Variants in NRG3 observed in about 807,000 individuals in gnomAD.
NRG3 encodes pro-neuregulin-3, membrane-bound isoform.
NRG3 carries 31 observed loss-of-function variants against 66.9 expected under a neutral mutation model. The ratio of observed to expected loss-of-function variants is 0.46; its 90% CI spans 0.35 to 0.63. NRG3 has a LOEUF of 0.63. NRG3 is among the 20% of genes least tolerant of loss of function. NRG3 has a pLI of 0.00. For missense variants in NRG3, 910 were observed against 878.9 expected, an observed-to-expected ratio of 1.04 and a Z score of -0.45; for synonymous variants, 393 against 359.4, an observed-to-expected ratio of 1.09 and a Z score of -1.06.
chr10:82,610,322 TATTCAC>T (rs1270184270), intron 2 of NRG3, among the ~76,000 whole-genome samples: 1 of 152,234 alleles, frequency 6.6e-6, no homozygotes, highest in Admixed American at 6.6e-5. Context: ...TGTAAAGCAA[TATTCAC>T]ACCGGTTTCA....
chr10:82,545,351 A>C (rs2043820622), intron 2 of NRG3, among the ~76,000 whole-genome samples: 1 of 151,160 alleles, frequency 6.6e-6, no homozygotes, highest in Admixed American at 6.6e-5. Flanking sequence ...TCCCTTCCAA[A>C]TTTTTAAAGT....
chr10:82,119,110 G>T (rs147612849), intron 1 of NRG3, among the ~76,000 whole-genome samples: 3 of 152,176 alleles, frequency 2.0e-5, no homozygotes, highest in Non-Finnish European at 4.4e-5. Flanking sequence ...TTAAATAAAT[G>T]TAACAAATAT....
chr10:82,334,136 C>CAAAAAAAAA (rs34320765), intron 1 of NRG3, among the ~76,000 whole-genome samples: 2 of 89,906 alleles, frequency 2.2e-5, no homozygotes, highest in East Asian at 5.3e-4. Context: ...CATGGCGTCT[C>CAAAAAAAAA]AAAAAAAAAA....
chr10:82,237,594 G>T (rs1458241102), intron 1 of NRG3, among the ~76,000 whole-genome samples: 1 of 151,400 alleles, frequency 6.6e-6, no homozygotes, highest in African/African-American at 2.4e-5. Flanking sequence ...ATATAGTAGT[G>T]CTTAATATAT....
chr10:82,975,146 G>A (rs1237935440), intron 7 of NRG3, among the ~76,000 whole-genome samples: 2 of 152,146 alleles, frequency 1.3e-5, no homozygotes, highest in Non-Finnish European at 2.9e-5. Flanking sequence ...CCTGTGAAAA[G>A]AGCATTTCAT....
chr10:82,501,364 T>C (rs954788541), intron 2 of NRG3, among the ~76,000 whole-genome samples: 3 of 152,150 alleles, frequency 2.0e-5, no homozygotes, highest in African/African-American at 4.8e-5. Flanking sequence ...CCTTTTAACA[T>C]AGAAGTTAGG....
chr10:82,689,777 T>A (rs2054783919), intron 2 of NRG3, among the ~76,000 whole-genome samples: 1 of 152,180 alleles, frequency 6.6e-6, no homozygotes, highest in East Asian at 1.9e-4. Context: ...GAAAGTGAAG[T>A]ACAATGAATG....
At chr10:82,969,608 T>C (rs1264539460) in intron 6 of NRG3, among the ~76,000 whole-genome samples, 1 of 152,254 alleles carries the variant, frequency 6.6e-6, no homozygotes, top group Non-Finnish European at 1.5e-5. Context: ...GACATGGTCA[T>C]TACTGCCACT....
intron 1 of NRG3, among the ~76,000 whole-genome samples, chr10:81,882,291 T>C (rs1401837110): frequency 1.3e-5 from 2 of 152,110 alleles, no homozygotes; most frequent in Non-Finnish European, 2.9e-5. Flanking sequence ...GCCAGTTGGC[T>C]AAGAGGAGTT....
At chr10:82,567,987 C>A (rs1039292694) in intron 2 of NRG3, among the ~76,000 whole-genome samples, 2 of 151,972 alleles carry the variant, frequency 1.3e-5, no homozygotes, top group Non-Finnish European at 2.9e-5. Flanking sequence ...CACCCTGTAA[C>A]CTTGGACTTT....
At chr10:81,996,342 G>T (rs2060937922) in intron 1 of NRG3, among the ~76,000 whole-genome samples, 1 of 152,126 alleles carries the variant, frequency 6.6e-6, no homozygotes, top group Admixed American at 6.6e-5. Context: ...GGGGAATGTT[G>T]CCAGTATCGT....
At chr10:82,586,486 A>G (rs750838727) in intron 2 of NRG3, among the ~76,000 whole-genome samples, 6 of 152,140 alleles carry the variant, frequency 3.9e-5, no homozygotes, top group Non-Finnish European at 7.3e-5. Flanking sequence ...CCTGAGTTTA[A>G]TTGCTGGTTA....
At chr10:82,783,802 A>G (rs531015170) in intron 3 of NRG3, among the ~76,000 whole-genome samples, 1 of 152,318 alleles carries the variant, frequency 6.6e-6, no homozygotes, top group Admixed American at 6.5e-5. Flanking sequence ...TTATAGCTTC[A>G]ATGCCATCCC....
chr10:82,418,937 A>T (rs2088846089), intron 2 of NRG3, among the ~76,000 whole-genome samples: 1 of 152,088 alleles, frequency 6.6e-6, no homozygotes, highest in Non-Finnish European at 1.5e-5. Flanking sequence ...TTTCCTGAAG[A>T]TTTACTGAGC....
At chr10:82,244,164 A>G (rs185468092) in intron 1 of NRG3, among the ~76,000 whole-genome samples, 181 of 152,288 alleles carry the variant, frequency 1.2e-3, no homozygotes, top group African/African-American at 4.0e-3. Context: ...TTTGTCCTGT[A>G]ACTCTTTCCT....
intron 1 of NRG3, among the ~76,000 whole-genome samples, chr10:81,881,524 T>C (rs1471261389): frequency 6.6e-6 from 1 of 152,170 alleles, no homozygotes. Flanking sequence ...CACAACACAG[T>C]TGAGCAATTG....
chr10:82,482,600 G>A lies in NRG3; in HGVS notation c.953+123732G>A, dbSNP rs182985433. On this transcript the variant is annotated intron_variant, in intron 2 of 8. Coordinates refer to ENST00000372141, the MANE Select transcript of NRG3 (RefSeq NM_001010848.4). ...GGATAGGCACCATCAAAGGGACCAC[G>A]GAGCTTGGTAGAAATACGCATTTCT... is the stretch of plus-strand genomic sequence containing the variant. Among the ~76,000 whole-genome samples, 82 of 152,200 alleles carry A rather than the reference G, an allele frequency of 5.4e-4. 2 individuals are homozygous for A. In the East Asian group the frequency reaches 0.014, roughly 26 times the overall value.
At chr10:82,353,186 T>A (rs907804729) in intron 1 of NRG3, among the ~76,000 whole-genome samples, 2 of 152,080 alleles carry the variant, frequency 1.3e-5, no homozygotes, top group Non-Finnish European at 1.5e-5. Flanking sequence ...AGAATTCCAT[T>A]TTCTATAAGC....
At chr10:82,004,660 C>T (rs2061316242) in intron 1 of NRG3, among the ~76,000 whole-genome samples, 1 of 151,988 alleles carries the variant, frequency 6.6e-6, no homozygotes, top group Non-Finnish European at 1.5e-5. Flanking sequence ...ACCAGTACCT[C>T]GAAGTATGAC....
Sources: allele counts gnomAD v4.1 joint callset (sites outside exome capture counted in the v4.1 genomes callset), GRCh38; gene constraint gnomAD v4.1.1; transcripts MANE v1.5; gene names NCBI Gene and HGNC (gene_info 2026-07-23, HGNC 2026-07-21).